Variants in COL26A1 observed in about 807,000 individuals in gnomAD.
COL26A1 encodes the protein collagen type XXVI alpha 1 chain.
Under a neutral mutation model 59.3 loss-of-function variants are expected in COL26A1, and 41 were observed. That is an observed-to-expected ratio of 0.69 (90% CI 0.54 to 0.90). The LOEUF (loss-of-function observed/expected upper bound fraction) is 0.90, where lower values mean the gene tolerates loss of function less well. Among genes scored for constraint, COL26A1 ranks in the 40% least tolerant of loss-of-function variants. COL26A1 has a pLI of 0.00. For synonymous variants in COL26A1, 266 were observed against 256.0 expected, an observed-to-expected ratio of 1.04 and a Z score of -0.37; for missense variants, 612 against 602.3, an observed-to-expected ratio of 1.02 and a Z score of -0.17.
intron 1 of COL26A1, among the ~76,000 whole-genome samples, chr7:101,419,734 C>T (rs1411095719): frequency 6.6e-6 from 1 of 152,200 alleles, no homozygotes; most frequent in African/African-American, 2.4e-5. Context: ...CTGAGTCTTT[C>T]TCACCAATTC....
At chr7:101,535,959 C>T (rs768560995) in intron 4 of COL26A1, among the ~76,000 whole-genome samples, 1 of 152,136 alleles carries the variant, frequency 6.6e-6, no homozygotes, top group Non-Finnish European at 1.5e-5. Flanking sequence ...GCTCCCCCGT[C>T]TTGTCTGGAG....
At chr7:101,395,198 T>A (rs1791828155) in intron 1 of COL26A1, among the ~76,000 whole-genome samples, 1 of 152,124 alleles carries the variant, frequency 6.6e-6, no homozygotes. Context: ...TAGATCTCAC[T>A]GTCATATGGC....
chr7:101,486,958 G>A (rs1008247571), intron 3 of COL26A1, among the ~76,000 whole-genome samples: 11 of 152,220 alleles, frequency 7.2e-5, no homozygotes, highest in East Asian at 3.8e-4. Flanking sequence ...CCGGGAACCC[G>A]GGCACAGTCC....
intron 1 of COL26A1, among the ~76,000 whole-genome samples, chr7:101,406,559 C>T (rs1584380032): frequency 1.3e-5 from 2 of 152,332 alleles, no homozygotes; most frequent in South Asian, 4.1e-4. Flanking sequence ...ATGGACTGTC[C>T]ATTTACCCCC....
chr7:101,424,588 T>C (rs879021296), intron 2 of COL26A1, among the ~76,000 whole-genome samples: 3 of 152,108 alleles, frequency 2.0e-5, no homozygotes, highest in African/African-American at 7.2e-5. Context: ...ACAGAGCAAG[T>C]CTCCGTCTCA....
At chr7:101,553,023 C>T (rs1021439278) in intron 10 of COL26A1, among the ~76,000 whole-genome samples, 2 of 152,204 alleles carry the variant, frequency 1.3e-5, no homozygotes, top group Non-Finnish European at 2.9e-5. Context: ...CCTGGAAGGG[C>T]CCAGGCATGA....
At chr7:101,551,301 C>A (rs1795857745) in intron 10 of COL26A1, among the ~76,000 whole-genome samples, 158 bp downstream of exon 10, 1 of 152,138 alleles carries the variant, frequency 6.6e-6, no homozygotes, top group East Asian at 1.9e-4. Flanking sequence ...GGACTCAAAT[C>A]GCCTCCTGCT....
chr7:101,518,174 C>G (rs1234508393), intron 3 of COL26A1, among the ~76,000 whole-genome samples: 2 of 152,170 alleles, frequency 1.3e-5, no homozygotes, highest in African/African-American at 4.8e-5. Context: ...GGCCAGAGAA[C>G]CTTGCCCGCA....
chr7:101,485,525 C>T (rs1223450349), intron 3 of COL26A1, among the ~76,000 whole-genome samples: 2 of 152,170 alleles, frequency 1.3e-5, no homozygotes, highest in South Asian at 2.1e-4. Context: ...TCCTCATAGT[C>T]GCTTCCTTCT....
chr7:101,426,395 C>T (rs912533951), intron 2 of COL26A1, among the ~76,000 whole-genome samples: 3 of 152,150 alleles, frequency 2.0e-5, no homozygotes, highest in African/African-American at 7.2e-5. Context: ...GGCCAGGTCT[C>T]AGCCATGAAG....
At chr7:101,520,860 G>A (rs1249864168) in intron 3 of COL26A1, among the ~76,000 whole-genome samples, 1 of 152,168 alleles carries the variant, frequency 6.6e-6, no homozygotes, top group Non-Finnish European at 1.5e-5. Flanking sequence ...TGCACAGTAA[G>A]GAAGCCTCAC....
At chr7:101,554,488 T>C (rs952002974) in intron 11 of COL26A1, among the ~76,000 whole-genome samples, 2 of 149,998 alleles carry the variant, frequency 1.3e-5, no homozygotes, top group African/African-American at 4.9e-5. Context: ...TCCCAGCACT[T>C]TGGGAGGCTG....
intron 3 of COL26A1, among the ~76,000 whole-genome samples, chr7:101,461,306 T>TCC (rs746462975): frequency 5.0e-4 from 44 of 87,940 alleles, no homozygotes; most frequent in African/African-American, 1.8e-3. Flanking sequence ...CTCCTCCTCC[T>TCC]TCTTTTTTTT....
intron 3 of COL26A1, among the ~76,000 whole-genome samples, chr7:101,455,041 C>CTT (rs56039517): frequency 2.3e-4 from 31 of 134,024 alleles, no homozygotes; most frequent in South Asian, 1.2e-3. Flanking sequence ...TTTTCTTTAT[C>CTT]TTTTTTTTTT....
chr7:101,367,182 A>G (rs13247684), intron 1 of COL26A1, among the ~76,000 whole-genome samples: 32,355 of 152,086 alleles, frequency 0.21, 3,655 homozygotes, highest in Non-Finnish European at 0.25. Flanking sequence ...GAAATTCTTC[A>G]TAGGTGGTCT....
At chr7:101,513,846 T>TA (rs1401974344) in intron 3 of COL26A1, among the ~76,000 whole-genome samples, 1 of 152,110 alleles carries the variant, frequency 6.6e-6, no homozygotes, top group Non-Finnish European at 1.5e-5. Flanking sequence ...TCGCAAAGCA[T>TA]GAAATTGACG....
rs531704827 is a variant in COL26A1 at position 101,365,583 on chromosome 7, C to T, written c.158+2393C>T. Reference sequence around the variant, plus strand: ...CTGGGATTACAGGTGCCCACCACTGCGCCTGGCTAATTTTTGTATTGTTGG... The same window carrying T: ...CTGGGATTACAGGTGCCCACCACTGTGCCTGGCTAATTTTTGTATTGTTGG... On this transcript the variant is annotated intron_variant, in intron 1 of 12. Transcript: ENST00000313669. Among the ~76,000 whole-genome samples the T allele has an allele frequency of 3.7e-3, 568 of 152,082 alleles. 3 individuals carry two copies. Among genetic ancestry groups the T allele is most frequent in the African/African-American group, 0.013 (519 of 41,474 alleles).
At chr7:101,413,526 A>AGGAAAT (rs138125216) in intron 1 of COL26A1, among the ~76,000 whole-genome samples, 1 of 150,224 alleles carries the variant, frequency 6.7e-6, no homozygotes, top group Non-Finnish European at 1.5e-5. Context: ...TCTCAAGAAA[A>AGGAAAT]GAAAGGAAAT....
At chr7:101,479,129 ATTC>A (rs1291562293) in intron 3 of COL26A1, among the ~76,000 whole-genome samples, 3 of 152,218 alleles carry the variant, frequency 2.0e-5, no homozygotes, top group Admixed American at 2.0e-4. Context: ...CTTACAGTTA[ATTC>A]TTCTACATAT....
Sources: gnomAD v4.1 joint callset for allele counts (sites outside exome capture counted in the v4.1 genomes callset) on GRCh38, gnomAD v4.1.1 for gene constraint, MANE v1.5 for transcripts, NCBI Gene and HGNC (gene_info 2026-07-23, HGNC 2026-07-21) for gene names.